NT5DC3: variants seen among roughly 807,000 people sequenced by gnomAD.
NT5DC3 encodes the protein 5'-nucleotidase domain containing 3.
Under a neutral mutation model 67.8 loss-of-function variants are expected in NT5DC3, and 42 were observed. The ratio of observed to expected loss-of-function variants is 0.62; its 90% CI spans 0.48 to 0.80. The LOEUF (loss-of-function observed/expected upper bound fraction) is 0.80, where lower values mean the gene tolerates loss of function less well. NT5DC3 is among the 30% of genes least tolerant of loss of function. NT5DC3 has a pLI of 0.00. For synonymous variants in NT5DC3, 237 were observed against 255.6 expected (o/e 0.93, Z 0.69); for missense variants, 570 against 696.4 (o/e 0.82, Z 2.04).
intron 10 of NT5DC3, 39 bp from the exon 11 acceptor site, chr12:103,787,566 T>C (rs1885846704): frequency 6.6e-6 from 8 of 1,213,520 alleles, no homozygotes; most frequent in Non-Finnish European, 8.3e-6. Flanking sequence ...TTATTACAGA[T>C]AGAGATCTGT....
intron 1 of NT5DC3, among the ~76,000 whole-genome samples, chr12:103,837,723 T>C (rs889941670): frequency 6.6e-6 from 1 of 152,250 alleles, no homozygotes; most frequent in African/African-American, 2.4e-5. Flanking sequence ...CATCTGAGAC[T>C]ACTTCAGCCT....
chr12:103,765,086 CAAAAAA>C, the NT5DC3 span, among the ~76,000 whole-genome samples: 156 of 66,494 alleles, frequency 2.3e-3, 1 homozygote, highest in East Asian at 8.9e-3. Context: ...GACTCTGTCT[CAAAAAA>C]AAAAAAAAAA....
At chr12:103,772,068 G>A (rs1259275687), downstream of NT5DC3, among the ~76,000 whole-genome samples, 1 of 152,116 alleles carries the variant, frequency 6.6e-6, no homozygotes, top group Non-Finnish European at 1.5e-5. Context: ...GGGGGGAGAT[G>A]GGGGTAGTGA....
intron 1 of NT5DC3, among the ~76,000 whole-genome samples, chr12:103,838,287 T>A (rs1303818533): frequency 6.6e-6 from 1 of 152,196 alleles, no homozygotes; most frequent in Non-Finnish European, 1.5e-5. Context: ...AGCCAAACCA[T>A]ATCACAAGGT....
chr12:103,816,989 T>C (rs1220739944), intron 1 of NT5DC3, among the ~76,000 whole-genome samples: 1 of 143,782 alleles, frequency 7.0e-6, no homozygotes, highest in Non-Finnish European at 1.5e-5. Flanking sequence ...TTTGCTTTCA[T>C]GGAACACTGT....
At chr12:103,837,116 C>G (rs933844443) in intron 1 of NT5DC3, among the ~76,000 whole-genome samples, 1 of 152,240 alleles carries the variant, frequency 6.6e-6, no homozygotes, top group Non-Finnish European at 1.5e-5. Flanking sequence ...TTCTTGACTT[C>G]GGTGCACCCG....
chr12:103,810,208 A>G (rs1278165172), intron 2 of NT5DC3, among the ~76,000 whole-genome samples: 1 of 152,182 alleles, frequency 6.6e-6, no homozygotes, highest in African/African-American at 2.4e-5. Flanking sequence ...TAGTCGAACC[A>G]TTTTGACTAG....
At chr12:103,762,916 T>C in the NT5DC3 span, among the ~76,000 whole-genome samples, 3 of 152,296 alleles carry the variant, frequency 2.0e-5, no homozygotes, top group East Asian at 5.8e-4. Context: ...TGTAAGAATA[T>C]GGCCGGGGCA....
chr12:103,750,896 G>C, the NT5DC3 span, among the ~76,000 whole-genome samples: 72 of 152,350 alleles, frequency 4.7e-4, no homozygotes, highest in African/African-American at 1.5e-3. Flanking sequence ...TTGGAGACCA[G>C]CCCGGCCAAC....
chr12:103,770,444 T>C (rs2139281694), downstream of NT5DC3: 1 of 152,252 alleles, frequency 6.6e-6, no homozygotes, highest in East Asian at 1.9e-4. Context: ...ATTGACTTTT[T>C]TTTTTTTTGA....
At chr12:103,751,784 A>G in the NT5DC3 span, among the ~76,000 whole-genome samples, 1 of 152,224 alleles carries the variant, frequency 6.6e-6, no homozygotes, top group Non-Finnish European at 1.5e-5. Context: ...AGTGTGGTCC[A>G]GCTTCTCCCA....
At chr12:103,800,645 A>G (rs1886530554) in intron 4 of NT5DC3, among the ~76,000 whole-genome samples, 1 of 152,236 alleles carries the variant, frequency 6.6e-6, no homozygotes, top group Non-Finnish European at 1.5e-5. Context: ...TCGAATGAAG[A>G]GCCAAACACA....
At chr12:103,840,411 ATC>A (rs1888350081) in intron 1 of NT5DC3, among the ~76,000 whole-genome samples, 1 of 145,404 alleles carries the variant, frequency 6.9e-6, no homozygotes, top group African/African-American at 2.6e-5. Context: ...ATCTCATCTC[ATC>A]TCATCTCATT....
At chr12:103,754,709 G>C in the NT5DC3 span, among the ~76,000 whole-genome samples, 1 of 152,104 alleles carries the variant, frequency 6.6e-6, no homozygotes, top group Non-Finnish European at 1.5e-5. Context: ...CAGCACTTTG[G>C]GAGCCAGAGG....
chr12:103,778,328 C>G (rs1348805511), intron 13 of NT5DC3, among the ~76,000 whole-genome samples: 3 of 151,928 alleles, frequency 2.0e-5, no homozygotes, highest in African/African-American at 7.3e-5. Flanking sequence ...GCCAGGAGTT[C>G]GAGACCAGCC....
intron 1 of NT5DC3, among the ~76,000 whole-genome samples, chr12:103,839,999 GCAA>G (rs1888310994): frequency 6.6e-6 from 1 of 152,150 alleles, no homozygotes; most frequent in South Asian, 2.1e-4. Context: ...CTCCTTGGAA[GCAA>G]CAGCGACAAT....
the NT5DC3 span, among the ~76,000 whole-genome samples, chr12:103,749,528 G>C: frequency 6.6e-6 from 1 of 151,808 alleles, no homozygotes; most frequent in Non-Finnish European, 1.5e-5. Flanking sequence ...TAAATAAAAG[G>C]CTTATTAAAA....
intron 10 of NT5DC3, among the ~76,000 whole-genome samples, chr12:103,788,266 C>T (rs1226045763): frequency 2.0e-5 from 3 of 152,128 alleles, no homozygotes; most frequent in Non-Finnish European, 1.5e-5. Context: ...AATGGCAAGA[C>T]CCTGTCTCTA....
At chr12:103,761,277 C>G in the NT5DC3 span, 81 of 1,608,646 alleles carry the variant, frequency 5.0e-5, no homozygotes, top group East Asian at 7.6e-4. Flanking sequence ...TAAAAGCCAT[C>G]AACCCTCTTC....
Sources: allele counts gnomAD v4.1 joint callset (sites outside exome capture counted in the v4.1 genomes callset), GRCh38; gene constraint gnomAD v4.1.1; transcripts MANE v1.5; gene names NCBI Gene and HGNC (gene_info 2026-07-23, HGNC 2026-07-21).